The following VWC2L variants were observed in gnomAD, a reference collection of about 807,000 sequenced individuals.
VWC2L encodes the protein von Willebrand factor C domain containing 2 like.
Under a neutral mutation model 21.6 loss-of-function variants are expected in VWC2L, and 10 were observed. The ratio of observed to expected loss-of-function variants is 0.46; its 90% CI spans 0.29 to 0.78. The LOEUF (loss-of-function observed/expected upper bound fraction) is 0.78, where lower values mean the gene tolerates loss of function less well. VWC2L is among the 30% of genes least tolerant of loss of function. The pLI is 0.10. For synonymous variants in VWC2L, 96 were observed against 94.3 expected (o/e 1.02, Z -0.10); for missense variants, 209 against 277.1 (o/e 0.75, Z 1.74).
rs1452136902 is a variant in VWC2L, at chr2:214,578,608, T to C, written c.*2788T>C. 1 of 152,204 alleles carries C rather than the reference T, an allele frequency of 6.6e-6. No individual in the cohort carries two copies. The highest frequency in any genetic ancestry group is 1.5e-5 in the Non-Finnish European group (1 of 68,034). The allele number at this position is 152,204 out of a possible 1,614,324, so 9.4% of individuals were successfully genotyped here. On this transcript the variant is annotated 3_prime_UTR_variant, in exon 4 of 4. Coordinates refer to ENST00000312504, the MANE Select transcript of VWC2L (RefSeq NM_001080500.4). ...TTACAACTTCCTTCTACCCAGGTCA[T>C]TGAGAAATTCTTTCCAGACTCTGAA...
At position 214,520,067 on chromosome 2, in the gene VWC2L, A is replaced by ACACACACACG. The variant is rs759056604; in HGVS notation, c.521-55596_521-55595insGCACACACAC. 1.7e-3 allele frequency among the ~76,000 whole-genome samples: 262 copies of ACACACACACG among 150,928 alleles called. 2 individuals carry two copies. The highest frequency in any genetic ancestry group is 0.011 in the East Asian group (57 of 5,124). On this transcript the variant is annotated intron_variant, in intron 3 of 3. Transcript: ENST00000312504. ...ATATTTGCTCCTGTTATACACACAC[A>ACACACACACG]CACACACACACACACACACACACTT...
chr2:214,476,820 T>C (rs1421809478), intron 3 of VWC2L, among the ~76,000 whole-genome samples: 1 of 152,196 alleles, frequency 6.6e-6, no homozygotes, highest in Non-Finnish European at 1.5e-5. Context: ...AGTATTTTGG[T>C]ATTTCATCTA....
intron 3 of VWC2L, among the ~76,000 whole-genome samples, chr2:214,463,745 T>C (rs1218236575): frequency 6.6e-6 from 1 of 152,194 alleles, no homozygotes; most frequent in Non-Finnish European, 1.5e-5. Flanking sequence ...AGTATACATC[T>C]TTAGCTTATC....
intron 3 of VWC2L, among the ~76,000 whole-genome samples, chr2:214,439,725 T>C (rs1181522881): frequency 6.6e-6 from 1 of 151,872 alleles, no homozygotes; most frequent in Non-Finnish European, 1.5e-5. Flanking sequence ...ATTAAAGATA[T>C]AAACTTTTGA....
At chr2:214,483,485 AG>A (rs532326746) in intron 3 of VWC2L, among the ~76,000 whole-genome samples, 65 of 152,032 alleles carry the variant, frequency 4.3e-4, no homozygotes, top group African/African-American at 1.4e-3. Context: ...TTATTTGGTG[AG>A]TTGGTACCCA....
chr2:214,491,736 C>A (rs1688748148), intron 3 of VWC2L, among the ~76,000 whole-genome samples: 1 of 152,078 alleles, frequency 6.6e-6, no homozygotes, highest in South Asian at 2.1e-4. Context: ...TGTTTAAGTC[C>A]CAGTTCCATT....
intron 3 of VWC2L, among the ~76,000 whole-genome samples, chr2:214,524,728 GT>G (rs947660567): frequency 2.6e-5 from 4 of 152,016 alleles, no homozygotes; most frequent in East Asian, 1.9e-4. Flanking sequence ...CAATGCCCCA[GT>G]TTTTTTCTCA....
intron 3 of VWC2L, among the ~76,000 whole-genome samples, chr2:214,484,448 A>G (rs1476778447): frequency 6.6e-6 from 1 of 152,168 alleles, no homozygotes; most frequent in East Asian, 1.9e-4. Context: ...GGGACTGCCA[A>G]ACTCTAGCCA....
chr2:214,427,566 C>G (rs918128975), intron 2 of VWC2L, among the ~76,000 whole-genome samples: 1 of 152,138 alleles, frequency 6.6e-6, no homozygotes, highest in African/African-American at 2.4e-5. Context: ...TGAGTGCAAA[C>G]ATTGTTGTGT....
chr2:214,433,184 T>TATATATATATATA (rs1559289359), intron 2 of VWC2L, among the ~76,000 whole-genome samples: 38 of 112,260 alleles, frequency 3.4e-4, no homozygotes, highest in African/African-American at 1.1e-3. Context: ...ATATATATAT[T>TATATATATATATA]ATATATAAAT....
chr2:214,515,443 T>A (rs990824203), intron 3 of VWC2L, among the ~76,000 whole-genome samples: 1 of 152,202 alleles, frequency 6.6e-6, no homozygotes, highest in African/African-American at 2.4e-5. Context: ...CACAGCATCT[T>A]CCTACTCTCA....
At chr2:214,511,919 T>TATAC (rs1559313459) in intron 3 of VWC2L, among the ~76,000 whole-genome samples, 1 of 145,366 alleles carries the variant, frequency 6.9e-6, no homozygotes, top group Non-Finnish European at 1.5e-5. Context: ...TATATACATA[T>TATAC]ACACACACAC....
At chr2:214,434,094 C>T (rs1329405760) in intron 2 of VWC2L, among the ~76,000 whole-genome samples, 1 of 152,120 alleles carries the variant, frequency 6.6e-6, no homozygotes, top group African/African-American at 2.4e-5. Context: ...GGGTGAGAAG[C>T]CACCAATGAT....
At chr2:214,480,288 G>GA (rs966320199) in intron 3 of VWC2L, among the ~76,000 whole-genome samples, 1 of 152,046 alleles carries the variant, frequency 6.6e-6, no homozygotes. Context: ...AACAAAACTA[G>GA]AAAAAACCTA....
intron 2 of VWC2L, among the ~76,000 whole-genome samples, chr2:214,430,109 C>T (rs1320999950): frequency 6.6e-6 from 1 of 151,700 alleles, no homozygotes; most frequent in Non-Finnish European, 1.5e-5. Context: ...CAAGCGTGAG[C>T]CACCGTGCCT....
intron 3 of VWC2L, among the ~76,000 whole-genome samples, chr2:214,442,552 G>C (rs887233139): frequency 6.6e-6 from 1 of 152,202 alleles, no homozygotes; most frequent in East Asian, 1.9e-4. Flanking sequence ...CCAGTGATCA[G>C]AACAGGAAGT....
At chr2:214,508,698 AT>A (rs1427062900) in intron 3 of VWC2L, among the ~76,000 whole-genome samples, 47 of 152,232 alleles carry the variant, frequency 3.1e-4, no homozygotes, top group African/African-American at 1.1e-3. Flanking sequence ...TAAAAGTCAT[AT>A]TTTAAATTCC....
intron 3 of VWC2L, among the ~76,000 whole-genome samples, chr2:214,529,384 G>A (rs1464475047): frequency 6.6e-6 from 1 of 152,142 alleles, no homozygotes; most frequent in Non-Finnish European, 1.5e-5. Flanking sequence ...GGTTCAGTAT[G>A]TCCCTGCTAC....
intron 3 of VWC2L, among the ~76,000 whole-genome samples, chr2:214,515,837 G>T (rs1689133307): frequency 6.6e-6 from 1 of 152,190 alleles, no homozygotes; most frequent in Non-Finnish European, 1.5e-5. Context: ...TTACAGGCCA[G>T]CGTGTACAGG....
Sources: gnomAD v4.1 joint callset for allele counts (sites outside exome capture counted in the v4.1 genomes callset) on GRCh38, gnomAD v4.1.1 for gene constraint, MANE v1.5 for transcripts, NCBI Gene and HGNC (gene_info 2026-07-23, HGNC 2026-07-21) for gene names.